The following ZNF404 variants were observed in gnomAD, a reference collection of about 807,000 sequenced individuals.
The protein encoded by ZNF404 is zinc finger protein 404.
In ZNF404, 7 loss-of-function variants were observed where a neutral mutation model predicts 7.3. The observed-to-expected ratio is 0.95, with a 90% CI of 0.54 to 1.79. The LOEUF (loss-of-function observed/expected upper bound fraction) is 1.79, where lower values mean the gene tolerates loss of function less well. Among genes scored for constraint, ZNF404 ranks in the 40% most tolerant of loss-of-function variants. ZNF404 has a pLI of 0.00. For missense variants in ZNF404, 560 were observed against 661.5 expected (o/e 0.85, Z 1.68); for synonymous variants, 191 against 209.9 (o/e 0.91, Z 0.78).
chr19:43,874,957 TG>T (rs1445022016), intron 2 of ZNF404, among the ~76,000 whole-genome samples: 2 of 152,174 alleles, frequency 1.3e-5, no homozygotes, highest in African/African-American at 4.8e-5. Flanking sequence ...TAAAGGTCAT[TG>T]GAAAAGAGAG....
chr19:43,877,303 A>T (rs1443536656), intron 2 of ZNF404, among the ~76,000 whole-genome samples: 4 of 152,280 alleles, frequency 2.6e-5, no homozygotes, highest in South Asian at 2.1e-4. Context: ...AAAAAAATTT[A>T]AAATATTTTT....
At chr19:43,882,760 C>T (rs567798179) in intron 1 of ZNF404, among the ~76,000 whole-genome samples, 2 of 148,246 alleles carry the variant, frequency 1.3e-5, no homozygotes, top group South Asian at 4.3e-4. Flanking sequence ...AACTGCACTC[C>T]AGCTTGGGCA....
chr19:43,881,051 T>C (rs906126477), intron 1 of ZNF404, among the ~76,000 whole-genome samples: 2 of 152,184 alleles, frequency 1.3e-5, no homozygotes, highest in South Asian at 4.1e-4. Context: ...ACTGCTGATA[T>C]CCTTGGTGAA....
At chr19:43,879,889 A>G (rs1971881735) in intron 2 of ZNF404, 121 bp downstream of exon 2, 4 of 1,296,238 alleles carry the variant, frequency 3.1e-6, no homozygotes, top group Non-Finnish European at 4.4e-6. Context: ...CCACCTAACA[A>G]ACTTTGAGAA....
At chr19:43,878,754 A>T (rs1312413497) in intron 2 of ZNF404, among the ~76,000 whole-genome samples, 2 of 151,794 alleles carry the variant, frequency 1.3e-5, no homozygotes, top group African/African-American at 4.8e-5. Context: ...CCCTGAAAAA[A>T]CTCCCTGATT....
chr19:43,881,293 C>G (rs1239797268), intron 1 of ZNF404, among the ~76,000 whole-genome samples: 2 of 152,132 alleles, frequency 1.3e-5, no homozygotes, highest in Non-Finnish European at 2.9e-5. Flanking sequence ...AAGTAAAAAT[C>G]TCTTTATTCA....
intron 1 of ZNF404, among the ~76,000 whole-genome samples, chr19:43,883,697 T>A (rs1055851619): frequency 6.6e-6 from 1 of 152,174 alleles, no homozygotes; most frequent in African/African-American, 2.4e-5. Flanking sequence ...TACTTCACTC[T>A]TTCACTGCTC....
chr19:43,872,772 C>T lies in ZNF404; in HGVS notation c.1442G>A (p.Gly481Asp). The change falls in exon 3 of 3, where the codon GGT becomes GAT. Residue 481 changes from glycine to aspartate, a missense_variant. Physicochemically the swap from Gly to Asp is moderately conservative, Grantham distance 94 (BLOSUM62 -1). Coordinates refer to ENST00000587539, the MANE Select transcript of ZNF404 (RefSeq NM_001033719.3). The surrounding 1 kb of genome is among the most constrained non-coding windows in gnomAD (Gnocchi z 4.4). ...ECKKAFRSISGLSQHKRIHTG... is the reference protein window; with the variant it reads ...ECKKAFRSISDLSQHKRIHTG... Reference sequence around the variant, plus strand: ...ATGAATTCTCTTATGTTGAGAAAGACCTGAGATAGAACGAAAGGCCTTCTT... The same window carrying T: ...ATGAATTCTCTTATGTTGAGAAAGATCTGAGATAGAACGAAAGGCCTTCTT... The T allele has an allele frequency of 6.2e-7, 1 of 1,611,924 alleles. No individual in the cohort carries two copies. The highest frequency in any genetic ancestry group is 8.5e-7 in the Non-Finnish European group (1 of 1,178,814).
chr19:43,872,448 TG>T lies in ZNF404; in HGVS notation c.*106del. ...TAGTAAGCAAATACGATGTGCCAGA[TG>T]CCTTTCCAAGTATTTATATTCTATA... On this transcript the variant is annotated 3_prime_UTR_variant, in exon 3 of 3. Transcript: ENST00000587539. The surrounding 1 kb of genome is among the most constrained non-coding windows in gnomAD (Gnocchi z 4.4). 1.2e-6 allele frequency: 1 copy of T among 805,584 alleles called. No homozygotes were observed. The highest frequency in any genetic ancestry group is 3.6e-4 in the Middle Eastern group (1 of 2,762). 49.9% of individuals were successfully genotyped at this position (805,584 alleles called of 1,614,324 possible). A position where few individuals can be genotyped will look rare whatever the true frequency, so the allele number is the denominator to read the frequency against.
chr19:43,876,776 T>C (rs1408354240), intron 2 of ZNF404, among the ~76,000 whole-genome samples: 1 of 152,186 alleles, frequency 6.6e-6, no homozygotes. Context: ...GTATTTCTGA[T>C]ACAATATGAT....
chr19:43,872,727 T>G lies in ZNF404; in HGVS notation c.1487A>C (p.Glu496Ala). 1 of 1,613,456 alleles carries G rather than the reference T, an allele frequency of 6.2e-7. No homozygotes were observed. Among genetic ancestry groups the G allele is most frequent in the South Asian group, 1.1e-5 (1 of 91,016 alleles). ...KRIHTGEKPY[E>A]CKECDKAFNR... ...AAAGGCCTTATCACATTCTTTACATTCATAGGGTTTTTCACCAGTATGAAT... is the reference window on the plus strand; with the variant it reads ...AAAGGCCTTATCACATTCTTTACATGCATAGGGTTTTTCACCAGTATGAAT... The change falls in exon 3 of 3, where the codon GAA (glutamate) becomes GCA (alanine). Residue 496 changes from glutamate to alanine, a missense_variant. By Grantham distance (107) the Glu-to-Ala change is moderately radical. Coordinates refer to ENST00000587539, the MANE Select transcript of ZNF404 (RefSeq NM_001033719.3). This position sits in a 1 kb window ranked among gnomAD's most constrained non-coding sequence, Gnocchi z 4.4.
chr19:43,873,534 T>G lies in ZNF404; in HGVS notation c.680A>C (p.His227Pro). Residue 227 changes from histidine (H) to proline (P), a missense_variant, in exon 3 of 3, where the codon CAT becomes CCT. By Grantham distance (77) the His-to-Pro change is moderately conservative. Transcript: ENST00000587539. ...CKQCGKAFRR[H>P]SHLTEHQKIH... ...TTTCTGATGTTCTGTAAGGTGAGAA[T>G]GACGTCTAAAAGCCTTCCCGCATTG... 1 of 1,613,526 alleles carries G rather than the reference T, an allele frequency of 6.2e-7. No individual in the cohort carries two copies. The highest frequency in any genetic ancestry group is 8.5e-7 in the Non-Finnish European group (1 of 1,179,594).
At chr19:43,882,947 A>C (rs1599748284) in intron 1 of ZNF404, among the ~76,000 whole-genome samples, 1 of 152,114 alleles carries the variant, frequency 6.6e-6, no homozygotes, top group Middle Eastern at 3.4e-3. Flanking sequence ...CTAAACATAC[A>C]AAAATTTGCT....
rs527778126 is a variant in ZNF404 at position 43,873,584 on chromosome 19, A to C, written c.630T>G (p.Thr210=). The change falls in exon 3 of 3, where the codon ACT becomes ACG. Residue 210 remains threonine (T), a synonymous_variant. Coordinates refer to ENST00000587539, the MANE Select transcript of ZNF404 (RefSeq NM_001033719.3). The part of the protein sequence containing the change: ...SQLIQHQIIH[T]GMKPYECKQC... ...GCTTACATTCATAGGGTTTCATACC[A>C]GTATGAATTATCTGATGCTGAATAA... 1 of 1,613,602 alleles carries C rather than the reference A, an allele frequency of 6.2e-7. No homozygotes were observed. Among genetic ancestry groups the C allele is most frequent in the African/African-American group, 1.3e-5 (1 of 75,012 alleles).
chr19:43,881,524 C>T (rs917692670), intron 1 of ZNF404: 3 of 152,036 alleles, frequency 2.0e-5, no homozygotes, highest in Non-Finnish European at 1.5e-5. Context: ...GATGACAATA[C>T]TAATACTCTC....
At chr19:43,883,305 A>G (rs1971911962) in intron 1 of ZNF404, among the ~76,000 whole-genome samples, 1 of 151,780 alleles carries the variant, frequency 6.6e-6, no homozygotes, top group African/African-American at 2.4e-5. Context: ...CCTTTCTACA[A>G]CTCTTTATAG....
At position 43,873,192 on chromosome 19, in the gene ZNF404, C is replaced by T; in HGVS notation, c.1022G>A (p.Ser341Asn). 6.2e-7 allele frequency: 1 copy of T among 1,612,588 alleles called. No homozygotes were observed. The highest frequency in any genetic ancestry group is 8.5e-7 in the Non-Finnish European group (1 of 1,178,808). ...ATGAATTCTCTTATGTTTAAGAAGG[C>T]TTGAGCCCTTACCAAAAGCCTTTCC... ...ECGKAFGKGS[S>N]LLKHKRIHSS... Residue 341 changes from serine (S) to asparagine (N), a missense_variant, in exon 3 of 3, where the codon AGC (serine) becomes AAC (asparagine). Physicochemically the swap from Ser to Asn is conservative, Grantham distance 46. Coordinates refer to ENST00000587539, the MANE Select transcript of ZNF404 (RefSeq NM_001033719.3).
rs758250913 is a variant in ZNF404 at position 43,872,780 on chromosome 19, A to G, written c.1434T>C (p.Ser478=). 2 of 1,611,654 alleles carry G rather than the reference A, an allele frequency of 1.2e-6. No homozygotes were observed. The highest frequency in any genetic ancestry group is 1.7e-6 in the Non-Finnish European group (2 of 1,178,598). The change falls in exon 3 of 3, where the codon TCT becomes TCC. Residue 478 remains serine (S), a synonymous_variant. Coordinates refer to ENST00000587539, the MANE Select transcript of ZNF404 (RefSeq NM_001033719.3). This position sits in a 1 kb window ranked among gnomAD's most constrained non-coding sequence, Gnocchi z 4.4. ...TCTTATGTTGAGAAAGACCTGAGATAGAACGAAAGGCCTTCTTACATTCTT... is the reference window on the plus strand; with the variant it reads ...TCTTATGTTGAGAAAGACCTGAGATGGAACGAAAGGCCTTCTTACATTCTT... ...VCKECKKAFR[S]ISGLSQHKRI... is the part of the protein sequence containing the mutation.
chr19:43,883,146 T>C (rs914932234), intron 1 of ZNF404, among the ~76,000 whole-genome samples: 1 of 152,048 alleles, frequency 6.6e-6, no homozygotes, highest in African/African-American at 2.4e-5. Context: ...CTTATTAGAT[T>C]CATCTTTCTT....
Sources: gnomAD v4.1 joint callset for allele counts (sites outside exome capture counted in the v4.1 genomes callset) on GRCh38, gnomAD v4.1.1 for gene constraint, Gnocchi (gnomAD v3.1) non-coding constraint, MANE v1.5 for transcripts, NCBI Gene and HGNC (gene_info 2026-07-23, HGNC 2026-07-21) for gene names.